The following KCNC2 variants were observed in gnomAD, a reference collection of about 807,000 sequenced individuals.
The protein encoded by KCNC2 is potassium voltage-gated channel subfamily C member 2, also known as voltage-gated potassium channel KCNC2.
A neutral mutation model predicts 44.5 loss-of-function variants in KCNC2; 21 were observed. That is an observed-to-expected ratio of 0.47 (90% CI 0.33 to 0.68). The LOEUF (loss-of-function observed/expected upper bound fraction) is 0.68. KCNC2 is among the 30% of genes least tolerant of loss of function. The pLI is 0.01. For missense variants in KCNC2, 589 were observed against 826.2 expected (o/e 0.71, Z 3.52); for synonymous variants, 391 against 339.1 (o/e 1.15, Z -1.68).
intron 2 of KCNC2, among the ~76,000 whole-genome samples, chr12:75,102,725 G>T (rs541605398): frequency 6.6e-6 from 1 of 151,920 alleles, no homozygotes; most frequent in East Asian, 1.9e-4. Context: ...GCTAATCAAG[G>T]ACAGTATAGA....
At chr12:75,160,981 A>C (rs1183343099) in intron 2 of KCNC2, among the ~76,000 whole-genome samples, 1 of 151,794 alleles carries the variant, frequency 6.6e-6, no homozygotes, top group African/African-American at 2.4e-5. Context: ...CTTAAAGAGA[A>C]ACTACAATAA....
chr12:75,192,047 C>T (rs1181333505), intron 2 of KCNC2, among the ~76,000 whole-genome samples: 2 of 152,116 alleles, frequency 1.3e-5, no homozygotes, highest in African/African-American at 4.8e-5. Context: ...GATGGACTAT[C>T]TGGGCATAAT....
At chr12:75,098,765 T>TAAAC (rs1886142060) in intron 2 of KCNC2, among the ~76,000 whole-genome samples, 2 of 150,812 alleles carry the variant, frequency 1.3e-5, no homozygotes, top group Non-Finnish European at 1.5e-5. Flanking sequence ...CTTAAATAAA[T>TAAAC]AAATAAATAA....
At chr12:75,148,808 C>T (rs955461318) in intron 2 of KCNC2, among the ~76,000 whole-genome samples, 2 of 151,846 alleles carry the variant, frequency 1.3e-5, no homozygotes, top group South Asian at 2.1e-4. Flanking sequence ...AGTAATTAGT[C>T]AATATTCTGA....
chr12:75,084,342 A>T (rs921224581), intron 2 of KCNC2, among the ~76,000 whole-genome samples: 16 of 151,568 alleles, frequency 1.1e-4, no homozygotes, highest in African/African-American at 3.9e-4. Flanking sequence ...ATATACTATT[A>T]TGTGTCCAGT....
chr12:75,076,668 T>G (rs1019983685), intron 2 of KCNC2, among the ~76,000 whole-genome samples: 2 of 152,202 alleles, frequency 1.3e-5, no homozygotes, highest in African/African-American at 4.8e-5. Flanking sequence ...GATGCTTTAC[T>G]TATGATTCTC....
intron 2 of KCNC2, among the ~76,000 whole-genome samples, chr12:75,169,507 T>A (rs554748453): frequency 6.6e-6 from 1 of 151,668 alleles, no homozygotes; most frequent in South Asian, 2.1e-4. Flanking sequence ...TATAATAAGA[T>A]TACTATGTCC....
chr12:75,091,946 G>C (rs1393311148), intron 2 of KCNC2, among the ~76,000 whole-genome samples: 2 of 151,564 alleles, frequency 1.3e-5, no homozygotes, highest in African/African-American at 4.8e-5. Flanking sequence ...ATGGTAATTA[G>C]TTGATTGAAG....
At chr12:75,056,560 A>G (rs989410812) in intron 2 of KCNC2, among the ~76,000 whole-genome samples, 2 of 151,962 alleles carry the variant, frequency 1.3e-5, no homozygotes, top group Non-Finnish European at 2.9e-5. Flanking sequence ...TCTTTCTTAA[A>G]TAATAAAATA....
chr12:75,153,113 G>C (rs1033885884), intron 2 of KCNC2, among the ~76,000 whole-genome samples: 2 of 151,838 alleles, frequency 1.3e-5, no homozygotes, highest in Non-Finnish European at 2.9e-5. Flanking sequence ...TCCACAAAAA[G>C]TCAACACTAA....
intron 2 of KCNC2, among the ~76,000 whole-genome samples, chr12:75,069,184 G>C (rs139270810): frequency 0.034 from 3,196 of 93,738 alleles, 39 homozygotes; most frequent in Middle Eastern, 0.12. Flanking sequence ...GTCCAGGCTG[G>C]AGTGCAAAGA....
intron 2 of KCNC2, among the ~76,000 whole-genome samples, chr12:75,154,871 C>T (rs1395967939): frequency 6.6e-6 from 1 of 152,024 alleles, no homozygotes; most frequent in Non-Finnish European, 1.5e-5. Context: ...AACACAGCAA[C>T]TGCCATGCAA....
chr12:75,107,455 G>C (rs1411202818), intron 2 of KCNC2, among the ~76,000 whole-genome samples: 1 of 152,096 alleles, frequency 6.6e-6, no homozygotes, highest in Non-Finnish European at 1.5e-5. Flanking sequence ...CAGCGTCTAT[G>C]TGTTATCTGA....
intron 2 of KCNC2, among the ~76,000 whole-genome samples, chr12:75,114,277 A>G (rs1887478437): frequency 6.6e-6 from 1 of 152,224 alleles, no homozygotes; most frequent in African/African-American, 2.4e-5. Context: ...ATCTAAAATT[A>G]AAAATTAGAT....
rs2031742429 is a variant in KCNC2 at position 75,207,068 on chromosome 12, C to A, written c.687+229G>T. ...CTAGGTCCCATCTGCTAAAGCAAAT[C>A]TGTTTGAGTTGGGAGAAGAGGAGGA... is the stretch of plus-strand genomic sequence containing the variant. On this transcript the variant is annotated intron_variant, in intron 2 of 4. Coordinates refer to ENST00000549446, the MANE Select transcript of KCNC2 (RefSeq NM_139137.4). This position sits in a 1 kb window ranked among gnomAD's most constrained non-coding sequence, Gnocchi z 4.1. Among the ~76,000 whole-genome samples the A allele has an allele frequency of 1.3e-5, 2 of 152,120 alleles. No homozygotes were observed. Among genetic ancestry groups the A allele is most frequent in the African/African-American group, 4.8e-5 (2 of 41,422 alleles).
rs1404012612 is a variant in KCNC2, at chr12:75,209,506, C to A, written c.-319G>T. The A allele has an allele frequency of 6.6e-6, 1 of 152,126 alleles. No homozygotes were observed. The highest frequency in any genetic ancestry group is 1.5e-5 in the Non-Finnish European group (1 of 68,044). 9.4% of individuals were successfully genotyped at this position (152,126 alleles called of 1,614,324 possible). On this transcript the variant is annotated 5_prime_UTR_variant, in exon 1 of 5. Transcript: ENST00000549446. Reference sequence around the variant, plus strand: ...GCAGGGTTGGGCAAACCATGGAGCTCGGGGCGGGTCCAGCCGGCACTGCCC... The same window carrying A: ...GCAGGGTTGGGCAAACCATGGAGCTAGGGGCGGGTCCAGCCGGCACTGCCC...
intron 4 of KCNC2, among the ~76,000 whole-genome samples, chr12:75,047,297 A>G (rs1880638598): frequency 6.6e-6 from 1 of 152,008 alleles, no homozygotes; most frequent in South Asian, 2.1e-4. Context: ...CAATTGTCCT[A>G]AGGTTGTAAA....
At chr12:75,196,533 C>G (rs146760874) in intron 2 of KCNC2, among the ~76,000 whole-genome samples, 13 of 152,174 alleles carry the variant, frequency 8.5e-5, no homozygotes, top group African/African-American at 3.1e-4. Flanking sequence ...GGTCTGGATT[C>G]TTAACATAAA....
chr12:75,055,518 A>G (rs983707098), intron 2 of KCNC2, among the ~76,000 whole-genome samples: 1 of 152,090 alleles, frequency 6.6e-6, no homozygotes, highest in African/African-American at 2.4e-5. Flanking sequence ...ATTAATTAAA[A>G]ATAAAATTAG....
Sources: allele counts gnomAD v4.1 joint callset (sites outside exome capture counted in the v4.1 genomes callset), GRCh38; gene constraint gnomAD v4.1.1; non-coding constraint Gnocchi (gnomAD v3.1); transcripts MANE v1.5; gene names NCBI Gene and HGNC (gene_info 2026-07-23, HGNC 2026-07-21).